HPSE2: variants seen among roughly 807,000 people sequenced by gnomAD.
HPSE2 encodes inactive heparanase-2.
In HPSE2, 38 loss-of-function variants were observed where a neutral mutation model predicts 60.5. The observed-to-expected ratio is 0.63, with a 90% confidence interval of 0.48 to 0.82. The LOEUF (loss-of-function observed/expected upper bound fraction) is 0.82, where lower values mean the gene tolerates loss of function less well. HPSE2 is among the 40% of genes least tolerant of loss of function. The pLI, the probability that HPSE2 is intolerant of heterozygous loss-of-function variation, is 0.00. For synonymous variants in HPSE2, 295 were observed against 293.2 expected, an observed-to-expected ratio of 1.01 and a Z score of -0.06; for missense variants, 713 against 740.4, an observed-to-expected ratio of 0.96 and a Z score of 0.43.
chr10:98,617,984 G>A (rs952547453), intron 8 of HPSE2, among the ~76,000 whole-genome samples: 9 of 152,042 alleles, frequency 5.9e-5, no homozygotes, highest in Middle Eastern at 3.2e-3. Flanking sequence ...GAAAAATGCC[G>A]TCTTTTCAAT....
chr10:99,203,634 G>A (rs905207782), intron 2 of HPSE2, among the ~76,000 whole-genome samples: 11 of 152,016 alleles, frequency 7.2e-5, no homozygotes, highest in African/African-American at 1.9e-4. Flanking sequence ...CAGGCTTCAG[G>A]AGCTCCCTGT....
At chr10:99,010,843 G>A (rs1326956424) in intron 3 of HPSE2, among the ~76,000 whole-genome samples, 1 of 152,086 alleles carries the variant, frequency 6.6e-6, no homozygotes, top group Non-Finnish European at 1.5e-5. Context: ...CTGACAAGTC[G>A]GTAATCATCA....
intron 3 of HPSE2, among the ~76,000 whole-genome samples, chr10:98,979,258 A>G (rs1956155011): frequency 6.6e-6 from 1 of 152,162 alleles, no homozygotes; most frequent in Non-Finnish European, 1.5e-5. Flanking sequence ...TGAACAATAC[A>G]ACACATCCAG....
chr10:99,062,386 A>G (rs1564775484), intron 3 of HPSE2, among the ~76,000 whole-genome samples: 1 of 152,234 alleles, frequency 6.6e-6, no homozygotes, highest in Non-Finnish European at 1.5e-5. Context: ...TCTCAGTTAG[A>G]CAGAAGAATG....
chr10:99,031,182 C>T (rs925518078), intron 3 of HPSE2, among the ~76,000 whole-genome samples: 3 of 152,024 alleles, frequency 2.0e-5, no homozygotes, highest in Non-Finnish European at 4.4e-5. Flanking sequence ...CTTGAGGGGA[C>T]GGATACCACA....
chr10:98,601,723 G>A (rs12356526), intron 9 of HPSE2, among the ~76,000 whole-genome samples: 62,950 of 152,088 alleles, frequency 0.41, 15,676 homozygotes, highest in Admixed American at 0.53. Flanking sequence ...AAAGTGCTAG[G>A]CTTTTGGCCT....
intron 9 of HPSE2, among the ~76,000 whole-genome samples, chr10:98,582,630 A>G (rs1944831349): frequency 6.6e-6 from 1 of 152,158 alleles, no homozygotes; most frequent in Non-Finnish European, 1.5e-5. Flanking sequence ...CCAATTCAAG[A>G]TTCCACTTCT....
chr10:98,733,252 C>T (rs983240436), intron 4 of HPSE2, among the ~76,000 whole-genome samples: 3 of 152,204 alleles, frequency 2.0e-5, no homozygotes, highest in African/African-American at 7.2e-5. Flanking sequence ...ACCTGAGTAG[C>T]TGAGCCACGG....
intron 9 of HPSE2, among the ~76,000 whole-genome samples, chr10:98,567,707 T>C (rs1944385510): frequency 1.3e-5 from 2 of 152,052 alleles, no homozygotes; most frequent in Admixed American, 1.3e-4. Context: ...TCAATGGTGA[T>C]GCCTTGTGAA....
intron 2 of HPSE2, among the ~76,000 whole-genome samples, chr10:99,216,297 C>T (rs529739847): frequency 4.7e-5 from 7 of 148,476 alleles, no homozygotes; most frequent in Non-Finnish European, 7.4e-5. Context: ...GGAGTTCAAG[C>T]GATTCTCCTG....
chr10:98,609,250 G>A (rs777579274), intron 9 of HPSE2, among the ~76,000 whole-genome samples: 5 of 152,110 alleles, frequency 3.3e-5, no homozygotes, highest in Non-Finnish European at 5.9e-5. Flanking sequence ...CTGCTAACTT[G>A]TCTATCTCCC....
At chr10:98,966,824 C>T (rs1016810810) in intron 3 of HPSE2, among the ~76,000 whole-genome samples, 4 of 152,206 alleles carry the variant, frequency 2.6e-5, no homozygotes, top group Admixed American at 1.3e-4. Context: ...GTTCAGGTGA[C>T]GAATACCCTG....
At position 99,235,506 on chromosome 10, in the gene HPSE2, G is replaced by A. The variant is rs72840396; in HGVS notation, c.290+7C>T. ...TTTTAAATGATCCATCGAAACCCCT[G>A]CCTTACCTTAGGAAATCGAGCCAGC... On this transcript the variant is annotated splice_region_variant and intron_variant, in intron 1 of 11. Transcript: ENST00000370552. 1.8e-3 allele frequency: 2,877 copies of A among 1,613,960 alleles called. 4 individuals carry two copies. Among genetic ancestry groups the A allele is most frequent in the Admixed American group, 4.3e-3 (261 of 60,012 alleles).
chr10:98,611,093 G>T (rs1024783563), intron 9 of HPSE2, among the ~76,000 whole-genome samples: 1 of 138,242 alleles, frequency 7.2e-6, no homozygotes, highest in Non-Finnish European at 1.5e-5. Context: ...CCCAGTGTTG[G>T]GGGGGGCCAG....
rs376653217 is a variant in HPSE2, at chr10:98,938,628, G to T, written c.611-194572C>A. Among the ~76,000 whole-genome samples, 26 of 144,082 alleles carry T rather than the reference G, an allele frequency of 1.8e-4. 3 individuals carry two copies. The East Asian group carries it at 2.8e-3, about 15-fold the overall frequency. 94.5% of individuals were successfully genotyped at this position (144,082 alleles called of 152,430 possible). On this transcript the variant is annotated intron_variant, in intron 3 of 11. Transcript: ENST00000370552. The stretch of plus-strand genomic sequence containing the variant: ...GTCTGATTGGTGTACCTGAAAGTGA[G>T]GGGGAGAATGCAACCAAGTTGGAAA...
chr10:98,656,321 GTGA>G (rs1947061962), intron 6 of HPSE2, among the ~76,000 whole-genome samples: 1 of 152,124 alleles, frequency 6.6e-6, no homozygotes, highest in Non-Finnish European at 1.5e-5. Context: ...TCCTGACCTC[GTGA>G]TCCACTTGCC....
At chr10:98,906,048 A>C (rs1201960586) in intron 3 of HPSE2, among the ~76,000 whole-genome samples, 1 of 152,152 alleles carries the variant, frequency 6.6e-6, no homozygotes, top group Non-Finnish European at 1.5e-5. Flanking sequence ...TGCTGCCTGC[A>C]TCCAATGATT....
chr10:99,063,103 G>C (rs756855132), intron 3 of HPSE2, among the ~76,000 whole-genome samples: 4 of 152,136 alleles, frequency 2.6e-5, no homozygotes, highest in Non-Finnish European at 2.9e-5. Flanking sequence ...TCTACATGAT[G>C]ATGATAGTAA....
At chr10:99,245,957 A>G in the HPSE2 span, among the ~76,000 whole-genome samples, 1 of 152,276 alleles carries the variant, frequency 6.6e-6, no homozygotes, top group African/African-American at 2.4e-5. Flanking sequence ...ACACACATAC[A>G]TATGTACATA....
Sources: allele counts gnomAD v4.1 joint callset (sites outside exome capture counted in the v4.1 genomes callset), GRCh38; gene constraint gnomAD v4.1.1; transcripts MANE v1.5; gene names NCBI Gene and HGNC (gene_info 2026-07-23, HGNC 2026-07-21).